The following MAP2K5 variants were observed in gnomAD, a reference collection of about 807,000 sequenced individuals.
The protein encoded by MAP2K5 is mitogen-activated protein kinase kinase 5.
In MAP2K5, 49 loss-of-function variants were observed where a neutral mutation model predicts 83.1. That is an observed-to-expected ratio of 0.59 (90% CI 0.47 to 0.75). The LOEUF (loss-of-function observed/expected upper bound fraction) is 0.75, where lower values mean the gene tolerates loss of function less well. MAP2K5 is among the 30% of genes least tolerant of loss of function. MAP2K5 has a pLI of 0.00. For synonymous variants in MAP2K5, 202 were observed against 191.8 expected, an observed-to-expected ratio of 1.05 and a Z score of -0.44; for missense variants, 457 against 557.5, an observed-to-expected ratio of 0.82 and a Z score of 1.82.
intron 6 of MAP2K5, among the ~76,000 whole-genome samples, chr15:67,591,667 C>A (rs2085413853): frequency 6.6e-6 from 1 of 151,834 alleles, no homozygotes; most frequent in African/African-American, 2.4e-5. Context: ...CCGCGCCGGC[C>A]CCTTAACAGG....
intron 8 of MAP2K5, among the ~76,000 whole-genome samples, chr15:67,626,468 A>G (rs986740710): frequency 1.3e-5 from 2 of 152,188 alleles, no homozygotes; most frequent in African/African-American, 4.8e-5. Flanking sequence ...CGGAGGATGC[A>G]GTGAGCCGAG....
At chr15:67,710,529 A>C (rs962356612) in intron 16 of MAP2K5, among the ~76,000 whole-genome samples, 1 of 123,902 alleles carries the variant, frequency 8.1e-6, no homozygotes, top group Non-Finnish European at 1.6e-5. Context: ...TTTGAGATAG[A>C]GTCTCGCTCT....
intron 5 of MAP2K5, 93 bp downstream of exon 5, chr15:67,586,023 A>C: frequency 3.0e-5 from 32 of 1,076,652 alleles, no homozygotes; most frequent in Non-Finnish European, 4.2e-5. Context: ...GCACTTTCTC[A>C]AGCTCTGACA....
chr15:67,578,346 A>G (rs1267508875), intron 3 of MAP2K5, among the ~76,000 whole-genome samples: 2 of 152,136 alleles, frequency 1.3e-5, no homozygotes, highest in Non-Finnish European at 2.9e-5. Context: ...CAGTAGCCTG[A>G]GTTTCTAGGC....
intron 8 of MAP2K5, among the ~76,000 whole-genome samples, chr15:67,624,643 G>GTGTGTA (rs1430527153): frequency 2.0e-5 from 3 of 148,236 alleles, no homozygotes; most frequent in East Asian, 2.0e-4. Context: ...GTGTGTGAGT[G>GTGTGTA]TGTTTGACGG....
At chr15:67,761,841 G>A (rs1409356406) in intron 19 of MAP2K5, among the ~76,000 whole-genome samples, 2 of 152,050 alleles carry the variant, frequency 1.3e-5, no homozygotes, top group Admixed American at 6.6e-5. Context: ...ACCTTTAAGA[G>A]TGCTTTTAAT....
At position 67,719,008 on chromosome 15, in the gene MAP2K5, T is replaced by C. The variant is rs189251078; in HGVS notation, c.1045-8908T>C. ...TGAATTACTAGAATTTTATTCATTC[T>C]AACTTTATTTTTGTACCCATTAATC... On this transcript the variant is annotated intron_variant, in intron 16 of 21. Coordinates refer to ENST00000178640, the MANE Select transcript of MAP2K5 (RefSeq NM_145160.3). The surrounding 1 kb of genome is among the most constrained non-coding windows in gnomAD (Gnocchi z 4.6). Among the ~76,000 whole-genome samples, 201 of 152,314 alleles carry C rather than the reference T, an allele frequency of 1.3e-3. 2 individuals carry two copies. The highest frequency in any genetic ancestry group is 4.8e-3 in the African/African-American group (198 of 41,558).
chr15:67,769,726 G>A lies in MAP2K5; in HGVS notation c.1196+63G>A. 5 of 1,530,144 alleles carry A rather than the reference G, an allele frequency of 3.3e-6. No individual in the cohort carries two copies. Among genetic ancestry groups the A allele is most frequent in the Non-Finnish European group, 4.5e-6 (5 of 1,106,566 alleles). 94.8% of individuals were successfully genotyped at this position (1,530,144 alleles called of 1,614,324 possible). A position where few individuals can be genotyped will look rare whatever the true frequency, so the allele number is the denominator to read the frequency against. On this transcript the variant is annotated intron_variant, in intron 20 of 21. Coordinates refer to ENST00000178640, the MANE Select transcript of MAP2K5 (RefSeq NM_145160.3). This position sits in a 1 kb window ranked among gnomAD's most constrained non-coding sequence, Gnocchi z 5.2. ...AATGATACATGCCATTAACTCGGCA[G>A]CTCCGTGAGACCTTATGGCTCTCCC...
At chr15:67,673,111 G>A (rs570493332) in intron 13 of MAP2K5, among the ~76,000 whole-genome samples, 4 of 152,044 alleles carry the variant, frequency 2.6e-5, no homozygotes, top group Non-Finnish European at 5.9e-5. Context: ...CTCCAGCTTT[G>A]TTCTTTTGGC....
At position 67,722,788 on chromosome 15, in the gene MAP2K5, C is replaced by T. The variant is rs968832927; in HGVS notation, c.1045-5128C>T. Among the ~76,000 whole-genome samples the T allele has an allele frequency of 7.9e-5, 12 of 152,036 alleles. No homozygotes were observed. The highest frequency in any genetic ancestry group is 1.5e-4 in the Non-Finnish European group (10 of 68,008). On this transcript the variant is annotated intron_variant, in intron 16 of 21. Transcript: ENST00000178640. The surrounding 1 kb of genome is among the most constrained non-coding windows in gnomAD (Gnocchi z 4.2). ...CTATAAAATGAAGATTTAACTGCAG[C>T]GCACAATCTAAATGCAAAATCCTTA...
Position 67,586,847 on chromosome 15 carries a change from T to A in MAP2K5, c.365T>A (p.Val122Glu). The A allele has an allele frequency of 1.9e-6, 3 of 1,613,932 alleles. No individual in the cohort carries two copies. The highest frequency in any genetic ancestry group is 2.5e-6 in the Non-Finnish European group (3 of 1,179,874). ...PGERNIHGLK[V>E]NTRAGPSQHS... is the part of the protein sequence containing the mutation. ...TCAAGATTCTTTCTTTACTTATAGG[T>A]GAATACTCGGGCCGGACCCTCTCAA... The change falls in exon 6 of 22, where the codon GTG (valine) becomes GAG (glutamate). Residue 122 changes from valine to glutamate, a missense_variant and splice_region_variant. Transcript: ENST00000178640.
At position 67,562,083 on chromosome 15, in the gene MAP2K5, A is replaced by G. The variant is rs2084747970; in HGVS notation, c.185-1200A>G. ...TGCCCAAGAGTGAACAAAAATAATA[A>G]TTCCGATTGTTAACACCAGAACTGA... On this transcript the variant is annotated intron_variant, in intron 2 of 21. Transcript: ENST00000178640. The surrounding 1 kb of genome is among the most constrained non-coding windows in gnomAD (Gnocchi z 4.1). Among the ~76,000 whole-genome samples the G allele has an allele frequency of 6.6e-6, 1 of 152,136 alleles. No homozygotes were observed. The highest frequency in any genetic ancestry group is 1.5e-5 in the Non-Finnish European group (1 of 68,026).
intron 9 of MAP2K5, chr15:67,641,476 A>C: frequency 1.0e-6 from 1 of 1,000,630 alleles, no homozygotes; most frequent in African/African-American, 1.7e-5. Flanking sequence ...AAATAAACGA[A>C]GTCATCCATG....
chr15:67,628,340 CGTGGT>C (rs1470411340), intron 8 of MAP2K5: 1 of 514,350 alleles, frequency 1.9e-6, no homozygotes, highest in African/African-American at 1.9e-5. Flanking sequence ...ATTAGCTGGT[CGTGGT>C]GGCAGGCACC....
At chr15:67,600,037 G>A (rs1161851073) in intron 7 of MAP2K5, among the ~76,000 whole-genome samples, 1 of 152,052 alleles carries the variant, frequency 6.6e-6, no homozygotes, top group Non-Finnish European at 1.5e-5. Context: ...AAAATTACAT[G>A]CCTATGTATT....
At chr15:67,679,664 G>C (rs1177931354) in intron 13 of MAP2K5, 1 of 152,140 alleles carries the variant, frequency 6.6e-6, no homozygotes, top group Non-Finnish European at 1.5e-5. Context: ...TATAGTATAT[G>C]TAATTAACTG....
intron 13 of MAP2K5, among the ~76,000 whole-genome samples, chr15:67,683,147 A>G (rs909419921): frequency 6.6e-6 from 1 of 152,154 alleles, no homozygotes; most frequent in Admixed American, 6.5e-5. Context: ...TGTCTCAAAA[A>G]AAAAAAGTTG....
chr15:67,676,165 T>A lies in MAP2K5; in HGVS notation c.847+11520T>A, dbSNP rs1485694447. 6.6e-6 allele frequency among the ~76,000 whole-genome samples: 1 copy of A among 152,176 alleles called. No homozygotes were observed. The highest frequency in any genetic ancestry group is 2.4e-5 in the African/African-American group (1 of 41,434). On this transcript the variant is annotated intron_variant, in intron 13 of 21. Transcript: ENST00000178640. This position sits in a 1 kb window ranked among gnomAD's most constrained non-coding sequence, Gnocchi z 4.8. ...TGATTCACCAAGCCCCGCAGTTAGC[T>A]CTGATCATTGCTTTGTCTCTGACAC...
chr15:67,580,655 C>T, intron 3 of MAP2K5, 99 bp from the exon 4 acceptor site: 1 of 774,758 alleles, frequency 1.3e-6, no homozygotes, highest in Non-Finnish European at 2.3e-6. Flanking sequence ...TATGTATATA[C>T]CAGCAATTTA....
Sources: gnomAD v4.1 joint callset for allele counts (sites outside exome capture counted in the v4.1 genomes callset) on GRCh38, gnomAD v4.1.1 for gene constraint, Gnocchi (gnomAD v3.1) non-coding constraint, MANE v1.5 for transcripts, NCBI Gene and HGNC (gene_info 2026-07-23, HGNC 2026-07-21) for gene names.